BRME1: variants seen among roughly 807,000 people sequenced by gnomAD.
BRME1 encodes break repair meiotic recombinase recruitment factor 1, also known as BRCA2 and MEILB2-associating protein 1.
Under a neutral mutation model 52.6 loss-of-function variants are expected in BRME1, and 31 were observed. That is an observed-to-expected ratio of 0.59 (90% CI 0.44 to 0.80). The LOEUF is 0.80. BRME1 is among the 30% of genes least tolerant of loss of function. BRME1 has a pLI of 0.00. For synonymous variants in BRME1, 359 were observed against 353.6 expected (o/e 1.02, Z -0.17); for missense variants, 804 against 860.3 (o/e 0.93, Z 0.82).
chr19:13,904,167 C>T (rs979498077), intron 2 of BRME1, among the ~76,000 whole-genome samples: 1 of 151,680 alleles, frequency 6.6e-6, no homozygotes, highest in Non-Finnish European at 1.5e-5. Context: ...TGCAGTGGTA[C>T]GATCTGGATT....
chr19:13,882,850 C>G lies in BRME1; in HGVS notation c.1959G>C (p.Lys653Asn). 1 of 1,614,040 alleles carries G rather than the reference C, an allele frequency of 6.2e-7. No individual in the cohort carries two copies. Among genetic ancestry groups the G allele is most frequent in the Non-Finnish European group, 8.5e-7 (1 of 1,179,972 alleles). The change falls in exon 9 of 9, where the codon AAG (lysine) becomes AAC (asparagine). Residue 653 changes from lysine to asparagine, a missense_variant. Lys to Asn is a moderately conservative substitution (Grantham distance 94, BLOSUM62 0). Coordinates refer to ENST00000586783, the MANE Select transcript of BRME1 (RefSeq NM_001345843.2). The part of the protein sequence containing the change: ...GGKAPLPYPS[K>N]GPGNIPRGDP... Reference sequence around the variant, plus strand: ...CCCCTCGAGGGATATTCCCAGGCCCCTTGGAAGGGTAAGGCAGGGGGGCTT... The same window carrying G: ...CCCCTCGAGGGATATTCCCAGGCCCGTTGGAAGGGTAAGGCAGGGGGGCTT...
At chr19:13,891,139 T>TTATTATTATTAG (rs1969468161) in intron 5 of BRME1, among the ~76,000 whole-genome samples, 1 of 146,252 alleles carries the variant, frequency 6.8e-6, no homozygotes, top group Admixed American at 6.8e-5. Context: ...TTCCTGTTTA[T>TTATTATTATTAG]TATTATTATT....
At position 13,883,088 on chromosome 19, in the gene BRME1, G is replaced by T; in HGVS notation, c.1857-136C>A. 3 of 710,544 alleles carry T rather than the reference G, an allele frequency of 4.2e-6. No individual in the cohort carries two copies. Among genetic ancestry groups the T allele is most frequent in the Non-Finnish European group, 5.6e-6 (3 of 539,916 alleles). The allele number at this position is 710,544 out of a possible 1,614,324, so 44.0% of individuals were successfully genotyped here. On this transcript the variant is annotated intron_variant, in intron 8 of 8. Transcript: ENST00000586783. The surrounding 1 kb of genome is among the most constrained non-coding windows in gnomAD (Gnocchi z 4.2). ...TCACACACGTGCACATAACCAGAAAGGGCCTGTTGTAGCACAGGCTGGGCC... is the reference window on the plus strand; with the variant it reads ...TCACACACGTGCACATAACCAGAAATGGCCTGTTGTAGCACAGGCTGGGCC...
In BRME1 at chr19:13,883,622, C is replaced by A; in HGVS notation, c.1764-222G>T. The A allele has an allele frequency of 2.0e-6, 1 of 506,502 alleles. No individual in the cohort carries two copies. The highest frequency in any genetic ancestry group is 3.6e-6 in the Non-Finnish European group (1 of 279,718). 31.4% of individuals were successfully genotyped at this position (506,502 alleles called of 1,614,324 possible). On this transcript the variant is annotated intron_variant, in intron 7 of 8. Coordinates refer to ENST00000586783, the MANE Select transcript of BRME1 (RefSeq NM_001345843.2). The surrounding 1 kb of genome is among the most constrained non-coding windows in gnomAD (Gnocchi z 4.2). Reference sequence around the variant, plus strand: ...CCCTACCTGCCCTGCCCTCTCAGGACGCTGCTGCCACCGCCTCCCTATCTC... The same window carrying A: ...CCCTACCTGCCCTGCCCTCTCAGGAAGCTGCTGCCACCGCCTCCCTATCTC...
Position 13,883,334 on chromosome 19 carries a change from G to C in BRME1, c.1830C>G (p.Gly610=). 1 of 1,534,840 alleles carries C rather than the reference G, an allele frequency of 6.5e-7. No individual in the cohort carries two copies. Among genetic ancestry groups the C allele is most frequent in the South Asian group, 1.2e-5 (1 of 84,044 alleles). ...TCAGGTTGGAGAGCTCAACGATGAG[G>C]CCACGCACGACGTTGGTGGCATCCT... is the stretch of plus-strand genomic sequence containing the variant. ...RMEDATNVVR[G]LIVELSNLNR... Residue 610 remains glycine (G), a synonymous_variant, in exon 8 of 9, where the codon GGC becomes GGG. Transcript: ENST00000586783. The surrounding 1 kb of genome is among the most constrained non-coding windows in gnomAD (Gnocchi z 4.2).
intron 2 of BRME1, 77 bp from the exon 3 acceptor site, chr19:13,895,623 A>G (rs1329336746): frequency 7.5e-7 from 1 of 1,341,426 alleles, no homozygotes; most frequent in African/African-American, 1.5e-5. Flanking sequence ...GGTCTCCCCC[A>G]CTACAACCAG....
intron 3 of BRME1, among the ~76,000 whole-genome samples, chr19:13,895,089 G>A (rs1969782748): frequency 6.6e-6 from 1 of 152,034 alleles, no homozygotes. Context: ...GTGTTGGCCA[G>A]TCTTGTCTCA....
At chr19:13,895,109 C>T (rs1022942119) in intron 3 of BRME1, among the ~76,000 whole-genome samples, 6 of 151,866 alleles carry the variant, frequency 4.0e-5, no homozygotes, top group African/African-American at 1.4e-4. Flanking sequence ...AAACTCGTGA[C>T]CTCAAGTGAT....
rs1249959923 is a variant in BRME1, at chr19:13,882,917, G to A, written c.1892C>T (p.Ala631Val). The change falls in exon 9 of 9, where the codon GCT becomes GTT. Residue 631 changes from alanine to valine, a missense_variant. Physicochemically the swap from Ala to Val is moderately conservative, Grantham distance 64 (BLOSUM62 0). This residue lies in a region of BRME1 where 552 missense variants were observed against 561.1 expected (regional missense o/e 0.98). Coordinates refer to ENST00000586783, the MANE Select transcript of BRME1 (RefSeq NM_001345843.2). ...CTTCCGGTAGTTAAGGCGCTTGAAA[G>A]CTTCCAGGTCCCGGTGGGTGCCCAT... is the stretch of plus-strand genomic sequence containing the variant. ...LIMGTHRDLE[A>V]FKRLNYRKTK... 5.0e-6 allele frequency: 8 copies of A among 1,613,942 alleles called. No individual in the cohort carries two copies. The highest frequency in any genetic ancestry group is 6.8e-6 in the Non-Finnish European group (8 of 1,179,978).
At position 13,889,332 on chromosome 19, in the gene BRME1, C is replaced by G; in HGVS notation, c.1524G>C (p.Glu508Asp). ...GCAGGTGGTCTCGCTGCCCTGCCAGCTCTGAGGTGGTGTCTGGAATGCCCT... is the reference window on the plus strand; with the variant it reads ...GCAGGTGGTCTCGCTGCCCTGCCAGGTCTGAGGTGGTGTCTGGAATGCCCT... ...AQQGIPDTTS[E>D]LAGQRDHLPH... Residue 508 changes from glutamate (E) to aspartate (D), a missense_variant, in exon 6 of 9, where the codon GAG becomes GAC. Around this residue, in one of 3 missense-constraint regions of BRME1, gnomAD observed 552 missense variants for 561.1 expected, o/e 0.98. Coordinates refer to ENST00000586783, the MANE Select transcript of BRME1 (RefSeq NM_001345843.2). 6.2e-7 allele frequency: 1 copy of G among 1,614,100 alleles called. No individual in the cohort carries two copies. Among genetic ancestry groups the G allele is most frequent in the Non-Finnish European group, 8.5e-7 (1 of 1,179,974 alleles).
At chr19:13,886,504 T>C (rs1969031844) in intron 6 of BRME1, among the ~76,000 whole-genome samples, 1 of 152,188 alleles carries the variant, frequency 6.6e-6, no homozygotes, top group South Asian at 2.1e-4. Context: ...ACAGACATCC[T>C]GTTAGGAAAG....
rs566278344 is a variant in BRME1, at chr19:13,889,205, C to T, written c.1651G>A (p.Glu551Lys). The change falls in exon 6 of 9, where the codon GAA becomes AAA. Residue 551 changes from glutamate (E) to lysine (K), a missense_variant. Physicochemically the swap from Glu to Lys is moderately conservative, Grantham distance 56. Coordinates refer to ENST00000586783, the MANE Select transcript of BRME1 (RefSeq NM_001345843.2). ...GCTCTCACCTGCTCAGGTGGGGCTT[C>T]GAAGTCAGAGGCGTCCAGGGCATCC... ...IQDALDASDF[E>K]APPEQLFPSG... The T allele has an allele frequency of 6.9e-6, 11 of 1,589,904 alleles. No homozygotes were observed. The highest frequency in any genetic ancestry group is 2.7e-5 in the African/African-American group (2 of 74,462).
At position 13,885,960 on chromosome 19, in the gene BRME1, C is replaced by G; in HGVS notation, c.1763+1G>C. ...CCACTTCTCACCCACGCCACACCTA[C>G]CTCGGCTGGGCCTTGGCCACTGCAA... On this transcript the variant is annotated splice_donor_variant, in intron 7 of 8. Coordinates refer to ENST00000586783, the MANE Select transcript of BRME1 (RefSeq NM_001345843.2). LOFTEE classifies it high-confidence loss of function. 1 of 1,613,406 alleles carries G rather than the reference C, an allele frequency of 6.2e-7. No individual in the cohort carries two copies. The highest frequency in any genetic ancestry group is 2.2e-5 in the East Asian group (1 of 44,854).
chr19:13,890,069 C>A lies in BRME1; in HGVS notation c.787G>T (p.Ala263Ser), dbSNP rs1161246862. 4 of 1,613,588 alleles carry A rather than the reference C, an allele frequency of 2.5e-6. No individual in the cohort carries two copies. The African/African-American group carries it at 4.0e-5, about 16-fold the overall frequency. Reference protein sequence around the residue: ...QEGGAQRTAGAGLPGGPQEEG... With the variant: ...QEGGAQRTAGSGLPGGPQEEG... ...TCCTGGGGCCCTCCAGGCAGGCCAGCCCCTGCTGTCCTTTGGGCCCCTCCC... is the reference window on the plus strand; with the variant it reads ...TCCTGGGGCCCTCCAGGCAGGCCAGACCCTGCTGTCCTTTGGGCCCCTCCC... The change falls in exon 6 of 9, where the codon GCT becomes TCT. Residue 263 changes from alanine (A) to serine (S), a missense_variant. Ala to Ser is a moderately conservative substitution (Grantham distance 99). Coordinates refer to ENST00000586783, the MANE Select transcript of BRME1 (RefSeq NM_001345843.2).
rs1436622500 is a variant in BRME1, at chr19:13,888,688, T to C, written c.1668+500A>G. 1.3e-5 allele frequency among the ~76,000 whole-genome samples: 2 copies of C among 152,162 alleles called. No individual in the cohort carries two copies. The highest frequency in any genetic ancestry group is 2.9e-5 in the Non-Finnish European group (2 of 68,032). On this transcript the variant is annotated intron_variant, in intron 6 of 8. Coordinates refer to ENST00000586783, the MANE Select transcript of BRME1 (RefSeq NM_001345843.2). The surrounding 1 kb of genome is among the most constrained non-coding windows in gnomAD (Gnocchi z 4.1). ...AAAAACAAAATGACTTATGTATGTT[T>C]GGAAAAGAATCATATCAGGACCCCC...
Position 13,883,335 on chromosome 19 carries a change from C to A in BRME1, c.1829G>T (p.Gly610Val). 1 of 1,534,884 alleles carries A rather than the reference C, an allele frequency of 6.5e-7. No individual in the cohort carries two copies. Among genetic ancestry groups the A allele is most frequent in the South Asian group, 1.2e-5 (1 of 84,038 alleles). ...CAGGTTGGAGAGCTCAACGATGAGG[C>A]CACGCACGACGTTGGTGGCATCCTC... ...RMEDATNVVRGLIVELSNLNR... is the reference protein window; with the variant it reads ...RMEDATNVVRVLIVELSNLNR... The change falls in exon 8 of 9, where the codon GGC becomes GTC. Residue 610 changes from glycine (G) to valine (V), a missense_variant. Physicochemically the swap from Gly to Val is moderately radical, Grantham distance 109 (BLOSUM62 -3). Transcript: ENST00000586783. This position sits in a 1 kb window ranked among gnomAD's most constrained non-coding sequence, Gnocchi z 4.2.
At chr19:13,887,985 C>T (rs1442051577) in intron 6 of BRME1, among the ~76,000 whole-genome samples, 12 of 151,814 alleles carry the variant, frequency 7.9e-5, no homozygotes, top group African/African-American at 1.5e-4. Flanking sequence ...AGTGCAGTGG[C>T]GCGATCTTGG....
intron 2 of BRME1, among the ~76,000 whole-genome samples, chr19:13,900,954 C>A (rs1050779341): frequency 6.6e-6 from 1 of 151,756 alleles, no homozygotes; most frequent in Non-Finnish European, 1.5e-5. Context: ...AGATTACAGG[C>A]ATGAGCCATC....
Position 13,889,315 on chromosome 19 carries a change from T to A in BRME1, c.1541A>T (p.Asp514Val). Residue 514 changes from aspartate to valine, a missense_variant, in exon 6 of 9, where the codon GAC becomes GTC. Physicochemically the swap from Asp to Val is radical, Grantham distance 152. Coordinates refer to ENST00000586783, the MANE Select transcript of BRME1 (RefSeq NM_001345843.2). ...CTGGTCTGCAGAATGAGGCAGGTGG[T>A]CTCGCTGCCCTGCCAGCTCTGAGGT... ...DTTSELAGQR[D>V]HLPHSADQGT... 6.2e-7 allele frequency: 1 copy of A among 1,614,064 alleles called. No individual in the cohort carries two copies. Among genetic ancestry groups the A allele is most frequent in the Non-Finnish European group, 8.5e-7 (1 of 1,180,012 alleles).
Sources: gnomAD v4.1 joint callset for allele counts (sites outside exome capture counted in the v4.1 genomes callset) on GRCh38, gnomAD v4.1.1 for gene constraint, gnomAD v4.1.1 regional missense constraint, Gnocchi (gnomAD v3.1) non-coding constraint, MANE v1.5 for transcripts, NCBI Gene and HGNC (gene_info 2026-07-23, HGNC 2026-07-21) for gene names.